The following PPARA variants were observed in gnomAD, a reference collection of about 807,000 sequenced individuals.
The protein encoded by PPARA is peroxisome proliferator activated receptor alpha, also known as peroxisome proliferator-activated receptor alpha.
In PPARA, 22 loss-of-function variants were observed where a neutral mutation model predicts 42.2. The ratio of observed to expected loss-of-function variants is 0.52; its 90% CI spans 0.37 to 0.74. The LOEUF (loss-of-function observed/expected upper bound fraction) is 0.74, where lower values mean the gene tolerates loss of function less well. Among genes scored for constraint, PPARA ranks in the 30% least tolerant of loss-of-function variants. The pLI is 0.00. For synonymous variants in PPARA, 242 were observed against 239.3 expected (o/e 1.01, Z -0.10); for missense variants, 465 against 608.2 (o/e 0.76, Z 2.48).
intron 3 of PPARA, among the ~76,000 whole-genome samples, chr22:46,189,075 A>G (rs530282925): frequency 6.6e-6 from 1 of 152,180 alleles, no homozygotes; most frequent in African/African-American, 2.4e-5. Context: ...AGAGCTCTTG[A>G]GTGGTGAATA....
In PPARA at chr22:46,156,169, C is replaced by T. The variant is rs1251392375; in HGVS notation, c.-127+4199C>T. The T allele has an allele frequency of 1.3e-5, 2 of 152,218 alleles. No individual in the cohort carries two copies. Among genetic ancestry groups the T allele is most frequent in the Non-Finnish European group, 2.9e-5 (2 of 68,044 alleles). The allele number at this position is 152,218 out of a possible 1,614,324, so 9.4% of individuals were successfully genotyped here. ...ATCTGGAAATATTGCTGTGTATCTGCAAAGCAGCTTGATATAGTGGAAAAG... is the reference window on the plus strand; with the variant it reads ...ATCTGGAAATATTGCTGTGTATCTGTAAAGCAGCTTGATATAGTGGAAAAG... On this transcript the variant is annotated intron_variant, in intron 2 of 8. Transcript: ENST00000407236. This position sits in a 1 kb window ranked among gnomAD's most constrained non-coding sequence, Gnocchi z 5.2.
chr22:46,198,699 C>T lies in PPARA; in HGVS notation c.208+108C>T, dbSNP rs969474597. 210 of 1,163,610 alleles carry T rather than the reference C, an allele frequency of 1.8e-4. 1 individual carries two copies. Among genetic ancestry groups the T allele is most frequent in the Middle Eastern group, 2.6e-4 (1 of 3,896 alleles). The allele number at this position is 1,163,610 out of a possible 1,614,324, so 72.1% of individuals were successfully genotyped here. ...TTTTTGAGACGGAGTCTCGCTCTGT[C>T]GCCCAGGCTGGAGTGCAATGGCTCG... On this transcript the variant is annotated intron_variant, in intron 4 of 8. Transcript: ENST00000407236.
rs1441017022 is a variant in PPARA at position 46,193,701 on chromosome 22, T to C, written c.-42-4641T>C. 6.6e-6 allele frequency among the ~76,000 whole-genome samples: 1 copy of C among 152,186 alleles called. No homozygotes were observed. Among genetic ancestry groups the C allele is most frequent in the African/African-American group, 2.4e-5 (1 of 41,452 alleles). On this transcript the variant is annotated intron_variant, in intron 3 of 8. Coordinates refer to ENST00000407236, the MANE Select transcript of PPARA (RefSeq NM_005036.6). The surrounding 1 kb of genome is among the most constrained non-coding windows in gnomAD (Gnocchi z 5.3). ...TGAGAGGATCATGCAGAACCTCCCA[T>C]CATTGCTGGGACTGGAACAGAAGCC...
intron 7 of PPARA, among the ~76,000 whole-genome samples, chr22:46,226,746 G>A (rs1041752914): frequency 1.3e-5 from 2 of 152,106 alleles, no homozygotes; most frequent in East Asian, 1.9e-4. Context: ...GGTGGTGTGC[G>A]CCTGTGGTTC....
intron 2 of PPARA, among the ~76,000 whole-genome samples, chr22:46,153,163 C>CTTTTTTT (rs996863467): frequency 1.0e-3 from 112 of 109,196 alleles, no homozygotes; most frequent in African/African-American, 1.7e-3. Flanking sequence ...TTCCCACATC[C>CTTTTTTT]TTTTTTTTTT....
intron 4 of PPARA, among the ~76,000 whole-genome samples, chr22:46,199,399 G>A (rs890487700): frequency 1.5e-4 from 23 of 152,278 alleles, no homozygotes; most frequent in South Asian, 1.0e-3. Context: ...TTGGAAGGCC[G>A]AGGCAAGTGG....
Position 46,173,640 on chromosome 22 carries a change from T to G in PPARA, c.-126-3113T>G, listed in dbSNP as rs1367224525. ...GATTAAAAGAGAGAAGACAATAAAA[T>G]GTAATACCTGACTCTGAACAGCATC... is the stretch of plus-strand genomic sequence containing the variant. On this transcript the variant is annotated intron_variant, in intron 2 of 8. Coordinates refer to ENST00000407236, the MANE Select transcript of PPARA (RefSeq NM_005036.6). This position sits in a 1 kb window ranked among gnomAD's most constrained non-coding sequence, Gnocchi z 4.3. Among the ~76,000 whole-genome samples, 2 of 152,152 alleles carry G rather than the reference T, an allele frequency of 1.3e-5. No homozygotes were observed. Among genetic ancestry groups the G allele is most frequent in the East Asian group, 3.8e-4 (2 of 5,196 alleles).
rs1936277256 is a variant in PPARA at position 46,238,394 on chromosome 22, T to G, written c.*3014T>G. ...TTAACAGAGTGCATTTCTTGCTTGCTGGGTTTCAACAGACATCAGCCAAAA... is the reference window on the plus strand; with the variant it reads ...TTAACAGAGTGCATTTCTTGCTTGCGGGGTTTCAACAGACATCAGCCAAAA... On this transcript the variant is annotated 3_prime_UTR_variant, in exon 9 of 9. Coordinates refer to ENST00000407236, the MANE Select transcript of PPARA (RefSeq NM_005036.6). This position sits in a 1 kb window ranked among gnomAD's most constrained non-coding sequence, Gnocchi z 8.3. 6.6e-6 allele frequency: 1 copy of G among 152,228 alleles called. No homozygotes were observed. 9.4% of individuals were successfully genotyped at this position (152,228 alleles called of 1,614,324 possible). A position where few individuals can be genotyped will look rare whatever the true frequency, so the allele number is the denominator to read the frequency against.
At chr22:46,215,081 C>G in intron 4 of PPARA, 92 bp from the exon 5 acceptor site, 1 of 1,502,658 alleles carries the variant, frequency 6.7e-7, no homozygotes, top group Non-Finnish European at 9.2e-7. Context: ...GCACTAGAAG[C>G]CTCGTATGCG....
intron 2 of PPARA, among the ~76,000 whole-genome samples, chr22:46,175,260 A>G (rs1444525181): frequency 6.6e-6 from 1 of 152,180 alleles, no homozygotes; most frequent in Admixed American, 6.5e-5. Flanking sequence ...ACGATATCAC[A>G]GTCAGGATAC....
rs1318619642 is a variant in PPARA, at chr22:46,195,545, A to G, written c.-42-2797A>G. Among the ~76,000 whole-genome samples the G allele has an allele frequency of 6.6e-6, 1 of 152,232 alleles. No individual in the cohort carries two copies. The highest frequency in any genetic ancestry group is 2.4e-5 in the African/African-American group (1 of 41,458). ...TTATTGCCAGAATTCCAAACATAAT[A>G]TGTGAATTTCACAAAAATGGATGAA... is the stretch of plus-strand genomic sequence containing the variant. On this transcript the variant is annotated intron_variant, in intron 3 of 8. Transcript: ENST00000407236. This position sits in a 1 kb window ranked among gnomAD's most constrained non-coding sequence, Gnocchi z 4.6.
At chr22:46,215,603 G>C (rs768011084) in intron 5 of PPARA, among the ~76,000 whole-genome samples, 1 of 151,948 alleles carries the variant, frequency 6.6e-6, no homozygotes, top group South Asian at 2.1e-4. Flanking sequence ...TTAGCCAGGC[G>C]TGGTGGTGGG....
chr22:46,218,153 T>G, intron 5 of PPARA, 110 bp from the exon 6 acceptor site: 1 of 1,404,498 alleles, frequency 7.1e-7, no homozygotes, highest in Non-Finnish European at 9.9e-7. Flanking sequence ...CTCTAAATTT[T>G]GTTCATTTAA....
At position 46,216,383 on chromosome 22, in the gene PPARA, CAA is replaced by C. The variant is rs111225851; in HGVS notation, c.369+1063_369+1064del. On this transcript the variant is annotated intron_variant, in intron 5 of 8. Coordinates refer to ENST00000407236, the MANE Select transcript of PPARA (RefSeq NM_005036.6). This position sits in a 1 kb window ranked among gnomAD's most constrained non-coding sequence, Gnocchi z 4.5. ...AGGCGACAAGAGTAAAACTTCATCTCAAAAAAAAAAAAAAGAGAGAAAAGAAA... is the reference window on the plus strand; with the variant it reads ...AGGCGACAAGAGTAAAACTTCATCTCAAAAAAAAAAAAGAGAGAAAAGAAA... Among the ~76,000 whole-genome samples, 465 of 131,444 alleles carry C rather than the reference CAA, an allele frequency of 3.5e-3. 1 individual carries two copies. Among genetic ancestry groups the C allele is most frequent in the African/African-American group, 0.011 (401 of 37,202 alleles). 86.2% of individuals were successfully genotyped at this position (131,444 alleles called of 152,430 possible). A position where few individuals can be genotyped will look rare whatever the true frequency, so the allele number is the denominator to read the frequency against.
In PPARA at chr22:46,187,413, AGGTCCCT is replaced by A. The variant is rs1352854371; in HGVS notation, c.-43+10583_-43+10589del. ...ATACATTCATCCTAGACTCTGTCCC[AGGTCCCT>A]GGTCCAGGCAGCTGCCAGTTGTCAG... On this transcript the variant is annotated intron_variant, in intron 3 of 8. Transcript: ENST00000407236. The surrounding 1 kb of genome is among the most constrained non-coding windows in gnomAD (Gnocchi z 4.9). Among the ~76,000 whole-genome samples, 1 of 152,212 alleles carries A rather than the reference AGGTCCCT, an allele frequency of 6.6e-6. No homozygotes were observed. Among genetic ancestry groups the A allele is most frequent in the Non-Finnish European group, 1.5e-5 (1 of 68,032 alleles).
rs755608556 is a variant in PPARA, at chr22:46,198,354, C to G, written c.-30C>G. On this transcript the variant is annotated 5_prime_UTR_variant, in exon 4 of 9. Coordinates refer to ENST00000407236, the MANE Select transcript of PPARA (RefSeq NM_005036.6). ...TCTTTCCTCCCAGTAGCTTGGAGCT[C>G]GGCGGCACAACCAGCACCATCTGGT... The G allele has an allele frequency of 3.7e-6, 6 of 1,604,028 alleles. No individual in the cohort carries two copies. Among genetic ancestry groups the G allele is most frequent in the Admixed American group, 1.7e-5 (1 of 59,988 alleles).
chr22:46,172,118 T>C (rs1418566610), intron 2 of PPARA, among the ~76,000 whole-genome samples: 1 of 152,002 alleles, frequency 6.6e-6, no homozygotes, highest in African/African-American at 2.4e-5. Flanking sequence ...ATCTGGGTAC[T>C]TGGAAGCCAT....
intron 2 of PPARA, among the ~76,000 whole-genome samples, chr22:46,174,152 T>TG (rs1209432039): frequency 4.9e-5 from 7 of 142,158 alleles, no homozygotes; most frequent in African/African-American, 1.9e-4. Context: ...CACTGCAGCC[T>TG]GGCAACAGAG....
rs1601642388 is a variant in PPARA at position 46,173,645 on chromosome 22, T to C, written c.-126-3108T>C. ...AAAGAGAGAAGACAATAAAATGTAA[T>C]ACCTGACTCTGAACAGCATCCAGTA... On this transcript the variant is annotated intron_variant, in intron 2 of 8. Transcript: ENST00000407236. The surrounding 1 kb of genome is among the most constrained non-coding windows in gnomAD (Gnocchi z 4.3). Among the ~76,000 whole-genome samples the C allele has an allele frequency of 6.6e-6, 1 of 152,296 alleles. No individual in the cohort carries two copies. The highest frequency in any genetic ancestry group is 1.9e-4 in the East Asian group (1 of 5,190).
Sources: allele counts gnomAD v4.1 joint callset (sites outside exome capture counted in the v4.1 genomes callset), GRCh38; gene constraint gnomAD v4.1.1; non-coding constraint Gnocchi (gnomAD v3.1); transcripts MANE v1.5; gene names NCBI Gene and HGNC (gene_info 2026-07-23, HGNC 2026-07-21).